DYM: variants seen among roughly 807,000 people sequenced by gnomAD.
DYM encodes dyggve-Melchior-Clausen syndrome protein.
A neutral mutation model predicts 93.1 loss-of-function variants in DYM; 78 were observed. The observed-to-expected ratio is 0.84, with a 90% CI of 0.70 to 1.01. The LOEUF (loss-of-function observed/expected upper bound fraction) is 1.01, where lower values mean the gene tolerates loss of function less well. Among genes scored for constraint, DYM ranks in the 50% least tolerant of loss-of-function variants. The pLI, the probability that DYM is intolerant of heterozygous loss-of-function variation, is 0.00. For missense variants in DYM, 789 were observed against 845.0 expected (o/e 0.93, Z 0.82); for synonymous variants, 321 against 319.7 (o/e 1.00, Z -0.04).
chr18:49,125,208 C>T (rs1027105202), intron 15 of DYM, among the ~76,000 whole-genome samples: 2 of 149,198 alleles, frequency 1.3e-5, no homozygotes, highest in Non-Finnish European at 2.9e-5. Context: ...TGCAGTGAGC[C>T]GAGATTGCCT....
chr18:49,423,299 G>A (rs1445841800), intron 2 of DYM, among the ~76,000 whole-genome samples: 2 of 152,046 alleles, frequency 1.3e-5, no homozygotes, highest in African/African-American at 2.4e-5. Context: ...TGACTACTGG[G>A]TACATAACAA....
chr18:49,167,769 A>G (rs976871369), intron 14 of DYM, among the ~76,000 whole-genome samples: 3 of 152,206 alleles, frequency 2.0e-5, no homozygotes, highest in Non-Finnish European at 2.9e-5. Flanking sequence ...AAGTTAGCTT[A>G]ATATTCACTT....
chr18:49,272,542 G>C (rs1428556915), intron 10 of DYM, among the ~76,000 whole-genome samples: 1 of 152,120 alleles, frequency 6.6e-6, no homozygotes, highest in Non-Finnish European at 1.5e-5. Context: ...CCAACATAAA[G>C]GTTGGATCTG....
At chr18:49,448,700 G>T (rs2082295146) in intron 1 of DYM, among the ~76,000 whole-genome samples, 1 of 152,192 alleles carries the variant, frequency 6.6e-6, no homozygotes, top group Non-Finnish European at 1.5e-5. Context: ...ACACCAAAAG[G>T]AAGGAGACTA....
chr18:49,062,702 T>C (rs1008774011), intron 17 of DYM, among the ~76,000 whole-genome samples: 8 of 152,138 alleles, frequency 5.3e-5, no homozygotes, highest in African/African-American at 1.9e-4. Context: ...GAAATAGGAG[T>C]CTTTGGAACA....
At chr18:49,404,352 G>T (rs2071209553) in intron 2 of DYM, among the ~76,000 whole-genome samples, 1 of 152,160 alleles carries the variant, frequency 6.6e-6, no homozygotes, top group African/African-American at 2.4e-5. Context: ...TGATGTCTTT[G>T]CTATTGCAAA....
At chr18:49,449,233 T>C (rs2082334727) in intron 1 of DYM, among the ~76,000 whole-genome samples, 1 of 152,234 alleles carries the variant, frequency 6.6e-6, no homozygotes, top group Non-Finnish European at 1.5e-5. Context: ...TTAACTCAGG[T>C]GTTTCACCTC....
intron 17 of DYM, among the ~76,000 whole-genome samples, chr18:49,076,814 G>A (rs891436470): frequency 6.6e-6 from 1 of 152,148 alleles, no homozygotes; most frequent in Non-Finnish European, 1.5e-5. Flanking sequence ...CTTTTCTTCT[G>A]TTACAAGACT....
At chr18:49,375,447 T>C (rs79092028) in intron 5 of DYM, among the ~76,000 whole-genome samples, 13,790 of 151,900 alleles carry the variant, frequency 0.091, 831 homozygotes, top group East Asian at 0.31. Flanking sequence ...CCCTTCCCCC[T>C]ATCCCCCAAA....
At chr18:49,128,677 C>T (rs2083073890) in intron 15 of DYM, among the ~76,000 whole-genome samples, 1 of 152,114 alleles carries the variant, frequency 6.6e-6, no homozygotes, top group African/African-American at 2.4e-5. Flanking sequence ...TTAGACAATA[C>T]TGAATTTGGA....
intron 1 of DYM, among the ~76,000 whole-genome samples, chr18:49,456,887 G>A (rs2072666109): frequency 1.3e-5 from 2 of 152,164 alleles, no homozygotes; most frequent in Admixed American, 1.3e-4. Context: ...GATAAATGGT[G>A]CACCACCACC....
chr18:49,331,926 T>C lies in DYM; in HGVS notation c.701A>G (p.His234Arg). 2 of 1,614,118 alleles carry C rather than the reference T, an allele frequency of 1.2e-6. No homozygotes were observed. The highest frequency in any genetic ancestry group is 2.2e-5 in the South Asian group (2 of 91,086). ...CCCATCCGACTGCTGAGGGAAAACA[T>C]GGGCCCCTGGAGGAGGTGGCTTTTC... ...RQEKPPPPGAHVFPQQSDGGG... is the reference protein window; with the variant it reads ...RQEKPPPPGARVFPQQSDGGG... Residue 234 changes from histidine to arginine, a missense_variant, in exon 8 of 18, where the codon CAT (histidine) becomes CGT (arginine). Physicochemically the swap from His to Arg is conservative, Grantham distance 29. Coordinates refer to ENST00000675505, the MANE Select transcript of DYM (RefSeq NM_001353214.3).
At chr18:49,062,429 C>T (rs962060263) in intron 17 of DYM, among the ~76,000 whole-genome samples, 2 of 152,254 alleles carry the variant, frequency 1.3e-5, no homozygotes, top group Non-Finnish European at 2.9e-5. Context: ...GTGGGATCTC[C>T]GAGGCCTGCA....
intron 2 of DYM, among the ~76,000 whole-genome samples, chr18:49,401,626 TC>T (rs1291312393): frequency 2.0e-5 from 3 of 151,882 alleles, no homozygotes; most frequent in Non-Finnish European, 4.4e-5. Flanking sequence ...CCTTTCTCTC[TC>T]TCTCTCTCTC....
At chr18:49,240,351 T>C (rs1368754852) in intron 13 of DYM, among the ~76,000 whole-genome samples, 1 of 152,150 alleles carries the variant, frequency 6.6e-6, no homozygotes, top group African/African-American at 2.4e-5. Flanking sequence ...CTGACAGATA[T>C]TAAAACTGAG....
chr18:49,147,686 G>T (rs2085315500), intron 15 of DYM, among the ~76,000 whole-genome samples: 2 of 151,852 alleles, frequency 1.3e-5, no homozygotes, highest in Admixed American at 1.3e-4. Context: ...TAAAAAGTCA[G>T]GAAACAACAG....
At position 49,317,551 on chromosome 18, in the gene DYM, T is replaced by TTGTCTC. The variant is rs1555690209; in HGVS notation, c.763+14312_763+14313insGAGACA. Among the ~76,000 whole-genome samples, 244 of 29,272 alleles carry TTGTCTC rather than the reference T, an allele frequency of 8.3e-3. 35 individuals carry two copies. The highest frequency in any genetic ancestry group is 0.016 in the South Asian group (10 of 618). 19.2% of individuals were successfully genotyped at this position (29,272 alleles called of 152,430 possible). On this transcript the variant is annotated intron_variant, in intron 8 of 17. Coordinates refer to ENST00000675505, the MANE Select transcript of DYM (RefSeq NM_001353214.3). The stretch of plus-strand genomic sequence containing the variant: ...TGCCCTAGTCCTTAGCCATCTAGAT[T>TTGTCTC]TCTCTCTCTCTCTCTCTCTCTCTCT...
intron 17 of DYM, among the ~76,000 whole-genome samples, chr18:49,091,146 T>C (rs73441503): frequency 0.025 from 3,803 of 152,274 alleles, 151 homozygotes; most frequent in African/African-American, 0.085. Context: ...TATCCCTCTC[T>C]TTCTCATTTC....
intron 15 of DYM, among the ~76,000 whole-genome samples, chr18:49,127,938 G>A (rs370541811): frequency 2.6e-5 from 4 of 152,210 alleles, no homozygotes; most frequent in African/African-American, 9.7e-5. Flanking sequence ...GGTCTCATGC[G>A]GGGATGTAAA....
Sources: gnomAD v4.1 joint callset for allele counts (sites outside exome capture counted in the v4.1 genomes callset) on GRCh38, gnomAD v4.1.1 for gene constraint, MANE v1.5 for transcripts, NCBI Gene and HGNC (gene_info 2026-07-23, HGNC 2026-07-21) for gene names.